FBXW11: variants seen among roughly 807,000 people sequenced by gnomAD.
The protein encoded by FBXW11 is F-box/WD repeat-containing protein 11.
A neutral mutation model predicts 77.6 loss-of-function variants in FBXW11; 19 were observed. That is an observed-to-expected ratio of 0.24 (90% CI 0.17 to 0.36). The LOEUF is 0.36. Among genes scored for constraint, FBXW11 ranks in the 10% least tolerant of loss-of-function variants. The pLI is 1.00. For missense variants in FBXW11, 334 were observed against 704.2 expected, an observed-to-expected ratio of 0.47 and a Z score of 5.95; for synonymous variants, 235 against 249.4, an observed-to-expected ratio of 0.94 and a Z score of 0.54.
intron 1 of FBXW11, among the ~76,000 whole-genome samples, chr5:171,970,816 C>A (rs960386220): frequency 6.6e-6 from 1 of 152,156 alleles, no homozygotes; most frequent in Non-Finnish European, 1.5e-5. Context: ...TCATATAGTT[C>A]ATTGTTCTTA....
At chr5:171,910,477 A>G (rs776984336) in intron 4 of FBXW11, 95 bp downstream of exon 4, 5 of 750,302 alleles carry the variant, frequency 6.7e-6, no homozygotes, top group South Asian at 1.9e-5. Flanking sequence ...GCTGCCTCAC[A>G]CAGTACTCAT....
rs558155965 is a variant in FBXW11, at chr5:171,899,510, T to A, written c.623+404A>T. On this transcript the variant is annotated intron_variant, in intron 5 of 13. Transcript: ENST00000517395. Reference sequence around the variant, plus strand: ...AGCTAGCTATAAAGCTGCATCAGAGTTATGAGTTTTCTCTGAAAAATCCTA... The same window carrying A: ...AGCTAGCTATAAAGCTGCATCAGAGATATGAGTTTTCTCTGAAAAATCCTA... Among the ~76,000 whole-genome samples, 7 of 152,278 alleles carry A rather than the reference T, an allele frequency of 4.6e-5. No homozygotes were observed. The South Asian group carries it at 1.5e-3, about 32-fold the overall frequency.
intron 6 of FBXW11, among the ~76,000 whole-genome samples, chr5:171,892,657 T>G (rs951828884): frequency 4.6e-5 from 7 of 152,172 alleles, no homozygotes; most frequent in African/African-American, 1.7e-4. Context: ...AGTGAAGAAG[T>G]AGGTCATACC....
chr5:171,913,818 TACACACACACAC>T (rs1161644281), intron 3 of FBXW11, among the ~76,000 whole-genome samples: 824 of 65,322 alleles, frequency 0.013, 3 homozygotes, highest in African/African-American at 0.038. Context: ...CACACACACA[TACACACACACAC>T]ACACACACAC....
At chr5:172,004,059 A>C (rs748943129) in intron 1 of FBXW11, among the ~76,000 whole-genome samples, 2 of 152,240 alleles carry the variant, frequency 1.3e-5, no homozygotes, top group Non-Finnish European at 2.9e-5. Context: ...CAATCGTATT[A>C]TCTTGAAACC....
In FBXW11 at chr5:171,886,903, T is replaced by C. The variant is rs182627452; in HGVS notation, c.852+4564A>G. Among the ~76,000 whole-genome samples the C allele has an allele frequency of 4.8e-3, 727 of 152,138 alleles. 5 individuals carry two copies. The highest frequency in any genetic ancestry group is 0.017 in the African/African-American group (694 of 41,498). ...GGTGGCAGGCACCTGTAGTCCCAGC[T>C]ACTCAGGAGGCTGAGGGAGGAGAAT... On this transcript the variant is annotated intron_variant, in intron 7 of 13. Coordinates refer to ENST00000517395, the MANE Select transcript of FBXW11 (RefSeq NM_001378974.1).
chr5:172,003,210 T>A (rs1023958223), intron 1 of FBXW11: 1 of 152,200 alleles, frequency 6.6e-6, no homozygotes, highest in Non-Finnish European at 1.5e-5. Flanking sequence ...TCGCCTTTCC[T>A]AAAGTGATAG....
chr5:171,944,604 GA>G (rs1298263278), intron 2 of FBXW11, among the ~76,000 whole-genome samples: 1 of 120,250 alleles, frequency 8.3e-6, no homozygotes, highest in Non-Finnish European at 1.8e-5. Flanking sequence ...ACAACTAAAA[GA>G]AAACATGCCA....
chr5:171,947,520 G>A (rs189763210), intron 2 of FBXW11, among the ~76,000 whole-genome samples: 49 of 151,670 alleles, frequency 3.2e-4, no homozygotes, highest in African/African-American at 1.1e-3. Flanking sequence ...GGACAACATA[G>A]GGAGGCCCCA....
chr5:171,940,937 T>C (rs927254387), intron 2 of FBXW11, among the ~76,000 whole-genome samples: 1 of 149,522 alleles, frequency 6.7e-6, no homozygotes, highest in Non-Finnish European at 1.5e-5. Context: ...CTGCCTAAAC[T>C]TTAAACACTC....
chr5:171,930,762 T>TAAAAAAAA (rs59700625), intron 2 of FBXW11, among the ~76,000 whole-genome samples: 2 of 126,514 alleles, frequency 1.6e-5, no homozygotes, highest in African/African-American at 2.9e-5. Flanking sequence ...AATAAAAAAA[T>TAAAAAAAA]AAAAAAAAAA....
intron 1 of FBXW11, among the ~76,000 whole-genome samples, chr5:171,962,795 T>C (rs1763977275): frequency 6.6e-6 from 1 of 152,182 alleles, no homozygotes; most frequent in Non-Finnish European, 1.5e-5. Context: ...AAAGCTAACT[T>C]CGGTCTGTTT....
At chr5:171,890,819 C>T (rs555584541) in intron 7 of FBXW11, among the ~76,000 whole-genome samples, 7 of 152,164 alleles carry the variant, frequency 4.6e-5, no homozygotes, top group Non-Finnish European at 7.4e-5. Flanking sequence ...AATGAGAGAG[C>T]TGCTCCATAT....
chr5:171,986,232 A>G (rs1289993176), intron 1 of FBXW11, among the ~76,000 whole-genome samples: 15 of 145,040 alleles, frequency 1.0e-4, no homozygotes, highest in East Asian at 8.4e-4. Context: ...ACATGGTGAA[A>G]CCCCATCTCT....
At chr5:171,990,718 TA>T (rs1204657412) in intron 1 of FBXW11, among the ~76,000 whole-genome samples, 5 of 152,108 alleles carry the variant, frequency 3.3e-5, no homozygotes, top group Non-Finnish European at 7.4e-5. Context: ...ATATTTTACT[TA>T]AAAAAAGGTG....
At chr5:171,950,245 G>C (rs1763235251) in intron 2 of FBXW11, among the ~76,000 whole-genome samples, 1 of 151,738 alleles carries the variant, frequency 6.6e-6, no homozygotes, top group Non-Finnish European at 1.5e-5. Flanking sequence ...TGATATTCAG[G>C]GGTTATGGCA....
chr5:171,932,773 A>G (rs1006373180), intron 2 of FBXW11, among the ~76,000 whole-genome samples: 1 of 152,014 alleles, frequency 6.6e-6, no homozygotes, highest in Non-Finnish European at 1.5e-5. Flanking sequence ...GCAGTTACAC[A>G]TAACTGCTAA....
chr5:171,873,924 G>A (rs915670368), intron 9 of FBXW11, among the ~76,000 whole-genome samples: 2 of 152,132 alleles, frequency 1.3e-5, no homozygotes, highest in Non-Finnish European at 2.9e-5. Context: ...GAATGGCACT[G>A]GACCCCTACC....
At chr5:171,958,895 C>T (rs1763754614) in intron 1 of FBXW11, among the ~76,000 whole-genome samples, 1 of 152,114 alleles carries the variant, frequency 6.6e-6, no homozygotes, top group African/African-American at 2.4e-5. Flanking sequence ...GCCAAACACC[C>T]TCATTTGCCT....
Sources: gnomAD v4.1 joint callset for allele counts (sites outside exome capture counted in the v4.1 genomes callset) on GRCh38, gnomAD v4.1.1 for gene constraint, MANE v1.5 for transcripts, NCBI Gene and HGNC (gene_info 2026-07-23, HGNC 2026-07-21) for gene names.